The following AKAP17A variants were observed in gnomAD, a reference collection of about 807,000 sequenced individuals.
AKAP17A encodes the protein A-kinase anchoring protein 17A.
A neutral mutation model predicts 52.2 loss-of-function variants in AKAP17A; 15 were observed. The observed-to-expected ratio is 0.29, with a 90% CI of 0.19 to 0.44. AKAP17A has a LOEUF of 0.44. Ranked by LOEUF, AKAP17A falls within the 20% of genes least tolerant of loss-of-function variation. The probability of loss-of-function intolerance (pLI) is 1.00; values close to 1 mark genes in which losing one functional copy is unlikely to be tolerated. For synonymous variants in AKAP17A, 514 were observed against 424.7 expected (o/e 1.21, Z -2.58); for missense variants, 1,060 against 1,007.0 (o/e 1.05, Z -0.71).
chrX:1,595,539 T>C lies in AKAP17A; in HGVS notation c.911+7T>C. 1.2e-6 allele frequency: 2 copies of C among 1,613,494 alleles called. No homozygotes were observed. Among genetic ancestry groups the C allele is most frequent in the Non-Finnish European group, 1.7e-6 (2 of 1,179,792 alleles). Reference sequence around the variant, plus strand: ...GGCAGCGAGCGGAGGAAAGGTACCTTCTGCGGGAGCGGGCCCTCGGCGCTG... The same window carrying C: ...GGCAGCGAGCGGAGGAAAGGTACCTCCTGCGGGAGCGGGCCCTCGGCGCTG... On this transcript the variant is annotated splice_region_variant and intron_variant, in intron 3 of 4. Coordinates refer to ENST00000313871, the MANE Select transcript of AKAP17A (RefSeq NM_005088.3).
Position 1,602,399 on chromosome X carries a change from G to A in AKAP17A, c.*805G>A, listed in dbSNP as rs1270752606. 1.3e-5 allele frequency: 2 copies of A among 152,106 alleles called. No homozygotes were observed. Among genetic ancestry groups the A allele is most frequent in the Non-Finnish European group, 2.9e-5 (2 of 68,024 alleles). The allele number at this position is 152,106 out of a possible 1,614,324, so 9.4% of individuals were successfully genotyped here. A position where few individuals can be genotyped will look rare whatever the true frequency, so the allele number is the denominator to read the frequency against. ...CTGCAAACTTGTTTTATAATCGTTT[G>A]CTTCTCCAAGTGAAGCTCAGAAATA... On this transcript the variant is annotated 3_prime_UTR_variant, in exon 5 of 5. Transcript: ENST00000313871.
In AKAP17A at chrX:1,593,856, C is replaced by T. The variant is rs371594911; in HGVS notation, c.394C>T (p.Arg132Cys). 1.1e-5 allele frequency: 17 copies of T among 1,612,428 alleles called. No homozygotes were observed. The highest frequency in any genetic ancestry group is 1.4e-5 in the Non-Finnish European group (16 of 1,179,070). The change falls in exon 2 of 5, where the codon CGC becomes TGC. Residue 132 changes from arginine to cysteine, a missense_variant. Physicochemically the swap from Arg to Cys is radical, Grantham distance 180. Around this residue, in one of 2 missense-constraint regions of AKAP17A, gnomAD observed 267 missense variants for 377.1 expected, o/e 0.71. Transcript: ENST00000313871. Reference protein sequence around the residue: ...PTRHDWDSFFRDAKDMNETLP... With the variant: ...PTRHDWDSFFCDAKDMNETLP... Reference sequence around the variant, plus strand: ...CCGCCACGACTGGGACTCCTTCTTCCGCGACGCCAAGGACATGAACGAGAC... The same window carrying T: ...CCGCCACGACTGGGACTCCTTCTTCTGCGACGCCAAGGACATGAACGAGAC...
intron 3 of AKAP17A, 37 bp downstream of exon 3, chrX:1,595,569 C>T (rs749893725): frequency 1.2e-6 from 2 of 1,612,370 alleles, no homozygotes; most frequent in Non-Finnish European, 1.7e-6. Context: ...GCGCTGGTGT[C>T]CGGCACCTGG....
At chrX:1,598,157 G>C (rs1255090607) in intron 3 of AKAP17A, among the ~76,000 whole-genome samples, 3 of 152,302 alleles carry the variant, frequency 2.0e-5, no homozygotes, top group East Asian at 3.9e-4. Flanking sequence ...CTGTGTGCTG[G>C]GCTGCCCTGA....
In AKAP17A at chrX:1,593,468, A is replaced by G. The variant is rs779709879; in HGVS notation, c.6A>G (p.Ala2=). 3 of 1,611,726 alleles carry G rather than the reference A, an allele frequency of 1.9e-6. No homozygotes were observed. In the African/African-American group the frequency reaches 4.0e-5, roughly 22 times the overall value. The part of the protein sequence containing the change: M[A]AATIVHDTSE... ...GGCCCAAGGTCCCGGAGGCTATGGC[A>G]GCGGCTACCATCGTGCACGACACGT... The change falls in exon 2 of 5, where the codon GCA becomes GCG. Residue 2 remains alanine (A), a synonymous_variant. Coordinates refer to ENST00000313871, the MANE Select transcript of AKAP17A (RefSeq NM_005088.3).
In AKAP17A at chrX:1,599,254, G is replaced by A; in HGVS notation, c.974G>A (p.Arg325Lys). 6.2e-7 allele frequency: 1 copy of A among 1,612,710 alleles called. No individual in the cohort carries two copies. The highest frequency in any genetic ancestry group is 1.7e-5 in the Admixed American group (1 of 59,978). Residue 325 changes from arginine (R) to lysine (K), a missense_variant, in exon 4 of 5, where the codon AGG (arginine) becomes AAG (lysine). By Grantham distance (26) the Arg-to-Lys change is conservative. Coordinates refer to ENST00000313871, the MANE Select transcript of AKAP17A (RefSeq NM_005088.3). ...ERKREEKLRK[R>K]EQKQRDRELR... The stretch of plus-strand genomic sequence containing the variant: ...AAAAGAGAAGAGAAGCTTCGCAAGA[G>A]GGAGCAGAAGCAGAGGGACCGTGAG...
intron 3 of AKAP17A, among the ~76,000 whole-genome samples, chrX:1,596,403 T>C (rs755097030): frequency 6.6e-6 from 1 of 151,964 alleles, no homozygotes; most frequent in Admixed American, 6.6e-5. Context: ...CCAACAACTT[T>C]CTGTGAATCC....
At chrX:1,599,476 G>A in intron 4 of AKAP17A, 44 bp downstream of exon 4, 1 of 1,551,372 alleles carries the variant, frequency 6.4e-7, no homozygotes, top group South Asian at 1.2e-5. Context: ...CGCCCGGGCT[G>A]CCCTCAGTGC....
In AKAP17A at chrX:1,594,006, G is replaced by A; in HGVS notation, c.544G>A (p.Gly182Arg). ...DVLVKVFEKFGEIRNVDIPML... is the reference protein window; with the variant it reads ...DVLVKVFEKFREIRNVDIPML... ...CCTGGTCAAGGTGTTTGAGAAGTTC[G>A]GGGAGATCCGGAATGTGGACATCCC... The change falls in exon 2 of 5, where the codon GGG becomes AGG. Residue 182 changes from glycine (G) to arginine (R), a missense_variant. Physicochemically the swap from Gly to Arg is moderately radical, Grantham distance 125. Coordinates refer to ENST00000313871, the MANE Select transcript of AKAP17A (RefSeq NM_005088.3). 1 of 1,605,060 alleles carries A rather than the reference G, an allele frequency of 6.2e-7. No individual in the cohort carries two copies. The highest frequency in any genetic ancestry group is 8.5e-7 in the Non-Finnish European group (1 of 1,174,832).
rs1933350699 is a variant in AKAP17A at position 1,601,110 on chromosome X, A to C, written c.1604A>C (p.Asp535Ala). The C allele has an allele frequency of 1.2e-6, 2 of 1,613,818 alleles. No homozygotes were observed. Among genetic ancestry groups the C allele is most frequent in the Non-Finnish European group, 1.7e-6 (2 of 1,179,812 alleles). ...VQSSCRVVPEDGSPEKRCPGG... is the reference protein window; with the variant it reads ...VQSSCRVVPEAGSPEKRCPGG... Reference sequence around the variant, plus strand: ...AGCTCCTGTCGTGTGGTCCCCGAGGATGGCTCTCCAGAGAAGAGGTGCCCG... The same window carrying C: ...AGCTCCTGTCGTGTGGTCCCCGAGGCTGGCTCTCCAGAGAAGAGGTGCCCG... Residue 535 changes from aspartate (D) to alanine (A), a missense_variant, in exon 5 of 5, where the codon GAT (aspartate) becomes GCT (alanine). Coordinates refer to ENST00000313871, the MANE Select transcript of AKAP17A (RefSeq NM_005088.3).
At chrX:1,592,173 G>C (rs1451819703) in intron 1 of AKAP17A, among the ~76,000 whole-genome samples, 1 of 151,800 alleles carries the variant, frequency 6.6e-6, no homozygotes, top group African/African-American at 2.4e-5. Context: ...GCAAGGGGCT[G>C]TCCGGGGTTT....
intron 3 of AKAP17A, among the ~76,000 whole-genome samples, chrX:1,597,269 C>G (rs140005540): frequency 8.7e-4 from 133 of 152,298 alleles, no homozygotes; most frequent in Middle Eastern, 6.8e-3. Flanking sequence ...TTGTCAGCCT[C>G]TGAATCTGAA....
At position 1,601,670 on chromosome X, in the gene AKAP17A, G is replaced by A. The variant is rs1242995250; in HGVS notation, c.*76G>A. 1.8e-5 allele frequency: 24 copies of A among 1,306,050 alleles called. No individual in the cohort carries two copies. Among genetic ancestry groups the A allele is most frequent in the African/African-American group, 1.2e-4 (8 of 64,344 alleles). The allele number at this position is 1,306,050 out of a possible 1,614,324, so 80.9% of individuals were successfully genotyped here. ...CGAGCCTCCTGGCCGCTCCTTGGCC[G>A]CTCTCCGTCCACCCCTGCAAAGCCA... is the stretch of plus-strand genomic sequence containing the variant. On this transcript the variant is annotated 3_prime_UTR_variant, in exon 5 of 5. Coordinates refer to ENST00000313871, the MANE Select transcript of AKAP17A (RefSeq NM_005088.3).
chrX:1,598,651 C>G (rs753628743), intron 3 of AKAP17A, among the ~76,000 whole-genome samples: 2 of 152,270 alleles, frequency 1.3e-5, no homozygotes, highest in Non-Finnish European at 2.9e-5. Context: ...TTCCTGGACA[C>G]CCCTCTCCAC....
chrX:1,600,789 A>G lies in AKAP17A; in HGVS notation c.1283A>G (p.Gln428Arg). 2 of 1,584,180 alleles carry G rather than the reference A, an allele frequency of 1.3e-6. No individual in the cohort carries two copies. Among genetic ancestry groups the G allele is most frequent in the Non-Finnish European group, 1.7e-6 (2 of 1,170,042 alleles). The change falls in exon 5 of 5, where the codon CAG (glutamine) becomes CGG (arginine). Residue 428 changes from glutamine to arginine, a missense_variant. By Grantham distance (43) the Gln-to-Arg change is conservative. Coordinates refer to ENST00000313871, the MANE Select transcript of AKAP17A (RefSeq NM_005088.3). ...GAGAAGGAGCGCGCGCTGGGCCTGC[A>G]GCGGAAAGAGCGGGAGCTGCGCGAG... ...EEEKERALGL[Q>R]RKERELRERL...
Position 1,595,514 on chromosome X carries a change from G to A in AKAP17A, c.893G>A (p.Arg298Lys), listed in dbSNP as rs139657528. 2 of 1,613,928 alleles carry A rather than the reference G, an allele frequency of 1.2e-6. No homozygotes were observed. Among genetic ancestry groups the A allele is most frequent in the Non-Finnish European group, 1.7e-6 (2 of 1,179,870 alleles). The change falls in exon 3 of 5, where the codon AGG becomes AAG. Residue 298 changes from arginine to lysine, a missense_variant. By Grantham distance (26) the Arg-to-Lys change is conservative. Coordinates refer to ENST00000313871, the MANE Select transcript of AKAP17A (RefSeq NM_005088.3). ...CGCAGAGAGAAGGAAGCGGAGGAGA[G>A]GCAGCGAGCGGAGGAAAGGTACCTT... ...QKRREKEAEE[R>K]QRAEERKQKE...
rs146065656 is a variant in AKAP17A at position 1,601,429 on chromosome X, G to A, written c.1923G>A (p.Pro641=). The A allele has an allele frequency of 0.017, 27,409 of 1,571,646 alleles. 281 individuals carry two copies. The highest frequency in any genetic ancestry group is 0.021 in the Non-Finnish European group (24,100 of 1,166,470). Residue 641 remains proline, a synonymous_variant, in exon 5 of 5, where the codon CCG becomes CCA. Transcript: ENST00000313871. ...GCCCCCGCCGGCGCAGCACGAGCCC[G>A]GACCACACCCGGTCCCGGAGGTCCC... ...DDSPRRRSTS[P]DHTRSRRSHS...
At position 1,595,535 on chromosome X, in the gene AKAP17A, A is replaced by G. The variant is rs754782581; in HGVS notation, c.911+3A>G. 4 of 1,613,488 alleles carry G rather than the reference A, an allele frequency of 2.5e-6. No individual in the cohort carries two copies. Among genetic ancestry groups the G allele is most frequent in the Non-Finnish European group, 3.4e-6 (4 of 1,179,834 alleles). ...GAGAGGCAGCGAGCGGAGGAAAGGT[A>G]CCTTCTGCGGGAGCGGGCCCTCGGC... On this transcript the variant is annotated splice_donor_region_variant and intron_variant, in intron 3 of 4. Coordinates refer to ENST00000313871, the MANE Select transcript of AKAP17A (RefSeq NM_005088.3).
intron 3 of AKAP17A, among the ~76,000 whole-genome samples, chrX:1,597,569 C>G (rs1399857161): frequency 6.6e-6 from 1 of 151,888 alleles, no homozygotes; most frequent in Non-Finnish European, 1.5e-5. Flanking sequence ...AGGGACTCTT[C>G]CAGGCTGCAG....
Sources: gnomAD v4.1 joint callset for allele counts (sites outside exome capture counted in the v4.1 genomes callset) on GRCh38, gnomAD v4.1.1 for gene constraint, gnomAD v4.1.1 regional missense constraint, MANE v1.5 for transcripts, NCBI Gene and HGNC (gene_info 2026-07-23, HGNC 2026-07-21) for gene names.